Variants in FADS6 observed in about 807,000 individuals in gnomAD.
The protein encoded by FADS6 is fatty acid desaturase domain family, member 6.
A neutral mutation model predicts 31.7 loss-of-function variants in FADS6; 28 were observed. That is an observed-to-expected ratio of 0.88 (90% confidence interval 0.66 to 1.21). The LOEUF is 1.21. FADS6 is among the 50% of genes most tolerant of loss of function. FADS6 has a pLI of 0.00. For synonymous variants in FADS6, 191 were observed against 213.1 expected (o/e 0.90, Z 0.90); for missense variants, 494 against 504.2 (o/e 0.98, Z 0.19).
At chr17:74,878,676 C>T (rs138197412) in intron 5 of FADS6, among the ~76,000 whole-genome samples, 199 bp from the exon 6 acceptor site, 36 of 152,332 alleles carry the variant, frequency 2.4e-4, no homozygotes, top group Middle Eastern at 3.4e-3. Context: ...GGCTTCTCTC[C>T]GACATCCAGG....
chr17:74,887,528 T>C (rs1268808463), intron 2 of FADS6, among the ~76,000 whole-genome samples: 1 of 152,238 alleles, frequency 6.6e-6, no homozygotes, highest in Non-Finnish European at 1.5e-5. Context: ...TGGCGTGGCA[T>C]TGCACAAGTG....
At position 74,888,136 on chromosome 17, in the gene FADS6, ACACACACACACACACACACGCGCGCGCG is replaced by A. The variant is rs1321881944; in HGVS notation, c.411+4359_411+4386del. On this transcript the variant is annotated intron_variant, in intron 2 of 5. Coordinates refer to ENST00000612771, the MANE Select transcript of FADS6 (RefSeq NM_178128.6). Reference sequence around the variant, plus strand: ...GGTGGAGCTGAGACACCACACACACACACACACACACACACACACGCGCGCGCGCGCGCGCGCAGAGTACCAATGTCCG... The same window carrying A: ...GGTGGAGCTGAGACACCACACACACACGCGCGCGCAGAGTACCAATGTCCG... 4.7e-5 allele frequency among the ~76,000 whole-genome samples: 4 copies of A among 85,120 alleles called. No homozygotes were observed. The East Asian group carries it at 9.7e-4, about 21-fold the overall frequency. 55.8% of individuals were successfully genotyped at this position (85,120 alleles called of 152,430 possible). A position where few individuals can be genotyped will look rare whatever the true frequency, so the allele number is the denominator to read the frequency against.
chr17:74,892,220 G>A (rs1353754583), intron 2 of FADS6, among the ~76,000 whole-genome samples: 3 of 152,122 alleles, frequency 2.0e-5, no homozygotes, highest in African/African-American at 7.2e-5. Flanking sequence ...CTGTCTGTGG[G>A]TCACATTTTA....
chr17:74,891,353 T>A lies in FADS6; in HGVS notation c.411+1170A>T, dbSNP rs183954480. Among the ~76,000 whole-genome samples the A allele has an allele frequency of 4.0e-4, 61 of 152,054 alleles. 1 individual carries two copies. Among genetic ancestry groups the A allele is most frequent in the African/African-American group, 1.4e-3 (57 of 41,476 alleles). On this transcript the variant is annotated intron_variant, in intron 2 of 5. Transcript: ENST00000612771. The stretch of plus-strand genomic sequence containing the variant: ...GCGCGCAGCCTCAGTACAGCTTTTT[T>A]AAAAATCCAAACATAGCTCATTCTG...
At chr17:74,888,157 C>CGCGCGCGCGCGCGG (rs2038648596) in intron 2 of FADS6, among the ~76,000 whole-genome samples, 5 of 108,912 alleles carry the variant, frequency 4.6e-5, no homozygotes, top group Non-Finnish European at 8.3e-5. Flanking sequence ...CACACACACG[C>CGCGCGCGCGCGCGG]GCGCGCGCGC....
At chr17:74,879,740 CCTGT>C (rs2038548195) in intron 4 of FADS6, among the ~76,000 whole-genome samples, 157 bp from the exon 5 acceptor site, 1 of 152,166 alleles carries the variant, frequency 6.6e-6, no homozygotes, top group African/African-American at 2.4e-5. Context: ...CGATGATGAC[CCTGT>C]CTGTTTTCTG....
At chr17:74,878,549 G>T in intron 5 of FADS6, 72 bp from the exon 6 acceptor site, 1 of 1,556,804 alleles carries the variant, frequency 6.4e-7, no homozygotes, top group Non-Finnish European at 8.7e-7. Context: ...GTCAGGGGAG[G>T]GAGGGACATC....
At chr17:74,890,575 G>A (rs978857522) in intron 2 of FADS6, among the ~76,000 whole-genome samples, 4 of 152,106 alleles carry the variant, frequency 2.6e-5, no homozygotes, top group African/African-American at 9.7e-5. Context: ...GCCTGAACCT[G>A]GTTCCCTAGA....
intron 2 of FADS6, among the ~76,000 whole-genome samples, chr17:74,886,377 T>C (rs988802357): frequency 2.9e-5 from 4 of 140,342 alleles, no homozygotes; most frequent in Middle Eastern, 4.4e-3. Context: ...AGAGAATCAC[T>C]GAAACCCACG....
chr17:74,892,569 G>A lies in FADS6; in HGVS notation c.365C>T (p.Thr122Ile), dbSNP rs984485222. Reference sequence around the variant, plus strand: ...GATCTTGCTCCAGCGTTTGGACTCGGTGAGGGCCCCATGAGTGGCCAGGTG... The same window carrying A: ...GATCTTGCTCCAGCGTTTGGACTCGATGAGGGCCCCATGAGTGGCCAGGTG... ...GSHLATHGAL[T>I]ESKRWSKIWL... The change falls in exon 2 of 6, where the codon ACC (threonine) becomes ATC (isoleucine). Residue 122 changes from threonine (T) to isoleucine (I), a missense_variant. Around this residue, in one of 2 missense-constraint regions of FADS6, gnomAD observed 454 missense variants for 438.5 expected, o/e 1.04. Transcript: ENST00000612771. The A allele has an allele frequency of 1.2e-6, 2 of 1,613,494 alleles. No individual in the cohort carries two copies. The highest frequency in any genetic ancestry group is 1.7e-6 in the Non-Finnish European group (2 of 1,179,698).
chr17:74,878,720 G>C (rs1230964406), intron 5 of FADS6, among the ~76,000 whole-genome samples: 1 of 152,210 alleles, frequency 6.6e-6, no homozygotes, highest in African/African-American at 2.4e-5. Flanking sequence ...CCTTGGCACA[G>C]GGGGATAAAA....
At position 74,877,506 on chromosome 17, in the gene FADS6, T is replaced by C. The variant is rs375917320; in HGVS notation, c.*825A>G. 5.8e-6 allele frequency: 1 copy of C among 172,690 alleles called. No individual in the cohort carries two copies. The highest frequency in any genetic ancestry group is 1.9e-4 in the South Asian group (1 of 5,220). 10.7% of individuals were successfully genotyped at this position (172,690 alleles called of 1,614,324 possible). A position where few individuals can be genotyped will look rare whatever the true frequency, so the allele number is the denominator to read the frequency against. ...ATGCCACCACATCCAGCTAATTTTT[T>C]GTATTTTTAGTAGAGACGGGGTTTC... is the stretch of plus-strand genomic sequence containing the variant. On this transcript the variant is annotated 3_prime_UTR_variant, in exon 6 of 6. Transcript: ENST00000612771.
In FADS6 at chr17:74,877,669, G is replaced by T. The variant is rs1298568804; in HGVS notation, c.*662C>A. Reference sequence around the variant, plus strand: ...CTCTTTCCCTAACTCTGTCCCTGGGGAACCTTCTCCCCTCACTTCCCCTGG... The same window carrying T: ...CTCTTTCCCTAACTCTGTCCCTGGGTAACCTTCTCCCCTCACTTCCCCTGG... On this transcript the variant is annotated 3_prime_UTR_variant, in exon 6 of 6. Transcript: ENST00000612771. 47 of 983,574 alleles carry T rather than the reference G, an allele frequency of 4.8e-5. No individual in the cohort carries two copies. The highest frequency in any genetic ancestry group is 5.4e-5 in the Non-Finnish European group (45 of 828,396). 60.9% of individuals were successfully genotyped at this position (983,574 alleles called of 1,614,324 possible).
At chr17:74,888,481 G>A (rs1006993266) in intron 2 of FADS6, among the ~76,000 whole-genome samples, 9 of 152,122 alleles carry the variant, frequency 5.9e-5, no homozygotes, top group Non-Finnish European at 1.3e-4. Context: ...CGGCCTGGAG[G>A]GTAATGGTCA....
At chr17:74,893,247 G>T in intron 1 of FADS6, 105 bp downstream of exon 1, 13 of 1,282,272 alleles carry the variant, frequency 1.0e-5, no homozygotes, top group Non-Finnish European at 1.3e-5. Flanking sequence ...CCACTCCGCA[G>T]GCTGCACTCC....
intron 2 of FADS6, among the ~76,000 whole-genome samples, chr17:74,890,661 G>C (rs1039038664): frequency 1.3e-5 from 2 of 152,126 alleles, no homozygotes; most frequent in African/African-American, 4.8e-5. Flanking sequence ...AGGAGCTGAA[G>C]AGTCAAAGAG....
intron 1 of FADS6, 32 bp downstream of exon 1, chr17:74,893,320 C>G (rs780308273): frequency 1.3e-6 from 2 of 1,500,012 alleles, no homozygotes; most frequent in South Asian, 1.3e-5. Context: ...ACCCGCAGCC[C>G]GGCCGGGACG....
chr17:74,889,806 G>T (rs2038668571), intron 2 of FADS6, among the ~76,000 whole-genome samples: 1 of 137,004 alleles, frequency 7.3e-6, no homozygotes, highest in African/African-American at 2.7e-5. Flanking sequence ...TGGAGGTGAA[G>T]GTTGCAGTGA....
chr17:74,882,452 A>G, intron 3 of FADS6, 78 bp downstream of exon 3: 2 of 1,467,900 alleles, frequency 1.4e-6, no homozygotes, highest in South Asian at 1.3e-5. Flanking sequence ...AGCAGCCTCC[A>G]TGAAGCCACG....
Sources: gnomAD v4.1 joint callset for allele counts (sites outside exome capture counted in the v4.1 genomes callset) on GRCh38, gnomAD v4.1.1 for gene constraint, gnomAD v4.1.1 regional missense constraint, MANE v1.5 for transcripts, NCBI Gene and HGNC (gene_info 2026-07-23, HGNC 2026-07-21) for gene names.